Variants in ENTPD5 observed in about 807,000 individuals in gnomAD.
The protein encoded by ENTPD5 is nucleoside diphosphate phosphatase ENTPD5.
In ENTPD5, 49 loss-of-function variants were observed where a neutral mutation model predicts 60.2. The ratio of observed to expected loss-of-function variants is 0.81; its 90% confidence interval spans 0.65 to 1.03. The LOEUF is 1.03. ENTPD5 is among the 50% of genes least tolerant of loss of function. The pLI is 0.00. For missense variants in ENTPD5, 480 were observed against 507.6 expected, an observed-to-expected ratio of 0.95 and a Z score of 0.52; for synonymous variants, 187 against 185.4, an observed-to-expected ratio of 1.01 and a Z score of -0.07.
intron 14 of ENTPD5, 55 bp from the exon 15 acceptor site, chr14:73,970,180 G>C: frequency 1.5e-6 from 2 of 1,308,696 alleles, no homozygotes; most frequent in Non-Finnish European, 2.2e-6. Flanking sequence ...GAGAGGTGTA[G>C]GATTTTCTCT....
intron 6 of ENTPD5, among the ~76,000 whole-genome samples, chr14:73,982,813 A>C (rs1418459406): frequency 1.3e-5 from 2 of 152,188 alleles, no homozygotes; most frequent in Non-Finnish European, 2.9e-5. Context: ...AAGTACTTTA[A>C]ATTTTTTAGG....
At chr14:73,973,133 A>G (rs1315942602) in intron 12 of ENTPD5, 109 bp from the exon 13 acceptor site, 34 of 1,315,298 alleles carry the variant, frequency 2.6e-5, no homozygotes, top group Non-Finnish European at 3.5e-5. Context: ...AAGGTCAAGG[A>G]AAGCAGGAGA....
chr14:73,986,824 T>C lies in ENTPD5; in HGVS notation c.287A>G (p.Gln96Arg), dbSNP rs112672411. 2.2e-5 allele frequency: 35 copies of C among 1,613,370 alleles called. No homozygotes were observed. The African/African-American group carries it at 4.1e-4, about 19-fold the overall frequency. Residue 96 changes from glutamine to arginine, a missense_variant, in exon 5 of 16, where the codon CAA (glutamine) becomes CGA (arginine). Gln to Arg is a conservative substitution (Grantham distance 43). Transcript: ENST00000334696. ...VKPGLSAFVD[Q>R]PKQGAETVQG... ...TCATAAGAAACTCACCTGCTTAGGT[T>C]GATCTACAAAAGCAGAAAGTCCTGG...
At chr14:73,955,898 G>T (rs1412456875), downstream of ENTPD5, 2 of 1,614,028 alleles carry the variant, frequency 1.2e-6, no homozygotes, top group African/African-American at 2.7e-5. Flanking sequence ...CATCATGCAT[G>T]CTCTCACTAA....
downstream of ENTPD5, chr14:73,962,952 CTTTTA>C: frequency 6.3e-7 from 1 of 1,592,546 alleles, no homozygotes; most frequent in African/African-American, 1.3e-5. Flanking sequence ...GTTTCATTCA[CTTTTA>C]TTTTTTCTCC....
intron 15 of ENTPD5, among the ~76,000 whole-genome samples, chr14:73,969,715 T>TAATA (rs3081896): frequency 0.15 from 21,724 of 148,810 alleles, 1,702 homozygotes; most frequent in Admixed American, 0.21. Flanking sequence ...AAAAAAATAA[T>TAATA]AATAAATAAA....
At chr14:74,016,233 T>C (rs747968360) in intron 1 of ENTPD5, among the ~76,000 whole-genome samples, 4 of 152,210 alleles carry the variant, frequency 2.6e-5, no homozygotes, top group Non-Finnish European at 5.9e-5. Context: ...AGACTCTATA[T>C]CCACCTCTAC....
At chr14:73,970,953 G>A (rs1425784372) in intron 14 of ENTPD5, among the ~76,000 whole-genome samples, 1 of 151,920 alleles carries the variant, frequency 6.6e-6, no homozygotes, top group Non-Finnish European at 1.5e-5. Flanking sequence ...AGCCTCCCAA[G>A]TAGCTGAGAC....
chr14:73,958,176 G>C (rs772245139), downstream of ENTPD5: 17 of 1,614,034 alleles, frequency 1.1e-5, no homozygotes, highest in Middle Eastern at 1.6e-4. Flanking sequence ...CAGGAGCAAA[G>C]CCATTCGCTA....
chr14:73,995,375 T>G (rs895815580), intron 3 of ENTPD5, among the ~76,000 whole-genome samples: 1 of 152,008 alleles, frequency 6.6e-6, no homozygotes, highest in Non-Finnish European at 1.5e-5. Flanking sequence ...ATCTGTTTTG[T>G]TTTTTATGTG....
chr14:73,983,260 G>A, intron 5 of ENTPD5, 99 bp from the exon 6 acceptor site: 1 of 1,281,840 alleles, frequency 7.8e-7, no homozygotes, highest in East Asian at 2.4e-5. Context: ...GAAGAGGGAG[G>A]TGGCATAGGG....
intron 1 of ENTPD5, among the ~76,000 whole-genome samples, chr14:74,017,662 G>C (rs560209640): frequency 6.6e-6 from 1 of 151,860 alleles, no homozygotes; most frequent in Non-Finnish European, 1.5e-5. Flanking sequence ...AAGGCGGGTG[G>C]ATCACCTGAG....
chr14:74,011,597 G>T (rs1390580500), intron 2 of ENTPD5, among the ~76,000 whole-genome samples: 1 of 152,052 alleles, frequency 6.6e-6, no homozygotes. Flanking sequence ...AGGAGTTTGT[G>T]ACCAACCTGG....
chr14:74,006,195 G>A (rs2058673700), intron 3 of ENTPD5, among the ~76,000 whole-genome samples: 2 of 151,408 alleles, frequency 1.3e-5, no homozygotes, highest in Middle Eastern at 3.5e-3. Context: ...GTTTCTCCAT[G>A]TTAGTCAGGC....
At chr14:73,981,990 G>A (rs1362545204) in intron 6 of ENTPD5, among the ~76,000 whole-genome samples, 1 of 152,190 alleles carries the variant, frequency 6.6e-6, no homozygotes, top group Non-Finnish European at 1.5e-5. Context: ...TTTCAGGGGT[G>A]AGGGAAACTC....
At chr14:74,010,208 A>G (rs963232741) in intron 3 of ENTPD5, among the ~76,000 whole-genome samples, 3 of 152,150 alleles carry the variant, frequency 2.0e-5, no homozygotes, top group African/African-American at 7.2e-5. Flanking sequence ...CTCTCAAGGG[A>G]TTACAAGTGT....
At chr14:73,960,697 A>G, downstream of ENTPD5, 1 of 615,584 alleles carries the variant, frequency 1.6e-6, no homozygotes, top group Non-Finnish European at 2.2e-6. Context: ...GTAAATGACA[A>G]TCTCCGTACA....
At chr14:73,996,675 G>A (rs1024568014) in intron 3 of ENTPD5, 4 of 152,248 alleles carry the variant, frequency 2.6e-5, no homozygotes, top group Non-Finnish European at 5.9e-5. Flanking sequence ...TGGGCACAGT[G>A]GCTCTTGTCT....
At chr14:74,017,979 C>T (rs1255687227) in intron 1 of ENTPD5, among the ~76,000 whole-genome samples, 2 of 151,926 alleles carry the variant, frequency 1.3e-5, no homozygotes, top group East Asian at 1.9e-4. Context: ...GCCAGGAGTT[C>T]GAGACCAGCC....
Sources: allele counts gnomAD v4.1 joint callset (sites outside exome capture counted in the v4.1 genomes callset), GRCh38; gene constraint gnomAD v4.1.1; transcripts MANE v1.5; gene names NCBI Gene and HGNC (gene_info 2026-07-23, HGNC 2026-07-21).